ALKAL1: variants seen among roughly 807,000 people sequenced by gnomAD.
ALKAL1 encodes the protein ALK and LTK ligand 1, also known as AUG-beta.
A neutral mutation model predicts 13.5 loss-of-function variants in ALKAL1; 23 were observed. The observed-to-expected ratio is 1.70, with a 90% CI of 1.23 to 2.41. The LOEUF (loss-of-function observed/expected upper bound fraction) is 2.41, where lower values mean the gene tolerates loss of function less well. Ranked by LOEUF, ALKAL1 falls within the 30% of genes most tolerant of loss-of-function variation. The pLI, the probability that ALKAL1 is intolerant of heterozygous loss-of-function variation, is 0.00. For missense variants in ALKAL1, 181 were observed against 178.4 expected (o/e 1.01, Z -0.08); for synonymous variants, 85 against 77.7 (o/e 1.09, Z -0.49).
intron 1 of ALKAL1, among the ~76,000 whole-genome samples, chr8:52,550,174 T>C (rs1181846497): frequency 6.6e-6 from 1 of 152,162 alleles, no homozygotes; most frequent in African/African-American, 2.4e-5. Context: ...ACACACACAT[T>C]AGCTGGGTGG....
At position 52,565,286 on chromosome 8, in the gene ALKAL1, ACT is replaced by A; in HGVS notation, c.-32_-31del. 7.8e-7 allele frequency: 1 copy of A among 1,284,778 alleles called. No individual in the cohort carries two copies. Among genetic ancestry groups the A allele is most frequent in the Non-Finnish European group, 9.9e-7 (1 of 1,007,970 alleles). The allele number at this position is 1,284,778 out of a possible 1,614,324, so 79.6% of individuals were successfully genotyped here. A position where few individuals can be genotyped will look rare whatever the true frequency, so the allele number is the denominator to read the frequency against. ...GCAAGCCGGGAGGAGAGAGCGGGAG[ACT>A]CCGGGAGGATCCCGACGCAGGTCCG... is the stretch of plus-strand genomic sequence containing the variant. On this transcript the variant is annotated 5_prime_UTR_variant, in exon 1 of 5. Coordinates refer to ENST00000358543, the MANE Select transcript of ALKAL1 (RefSeq NM_207413.4).
At chr8:52,536,615 T>C (rs1847269044) in intron 4 of ALKAL1, among the ~76,000 whole-genome samples, 1 of 152,228 alleles carries the variant, frequency 6.6e-6, no homozygotes, top group African/African-American at 2.4e-5. Flanking sequence ...CTTTTTCTCT[T>C]ATTATTACAA....
chr8:52,538,252 G>A (rs1273974519), intron 4 of ALKAL1, among the ~76,000 whole-genome samples, 179 bp downstream of exon 4: 3 of 151,964 alleles, frequency 2.0e-5, no homozygotes, highest in African/African-American at 7.3e-5. Flanking sequence ...GCAAAAGAAG[G>A]TTTTGAATGC....
chr8:52,565,250 G>A lies in ALKAL1; in HGVS notation c.7C>T (p.Pro3Ser). 2 of 1,312,510 alleles carry A rather than the reference G, an allele frequency of 1.5e-6. No individual in the cohort carries two copies. The highest frequency in any genetic ancestry group is 2.0e-6 in the Non-Finnish European group (2 of 1,023,864). 81.3% of individuals were successfully genotyped at this position (1,312,510 alleles called of 1,614,324 possible). A position where few individuals can be genotyped will look rare whatever the true frequency, so the allele number is the denominator to read the frequency against. Reference protein sequence around the residue: MRPLKPGAPLPAL... With the variant: MRSLKPGAPLPAL... ...GGCAAAGGGGCGCCGGGCTTAAGGG[G>A]CCGCATGTTCGCAAGCCGGGAGGAG... is the stretch of plus-strand genomic sequence containing the variant. Residue 3 changes from proline (P) to serine (S), a missense_variant, in exon 1 of 5, where the codon CCC becomes TCC. Coordinates refer to ENST00000358543, the MANE Select transcript of ALKAL1 (RefSeq NM_207413.4).
At chr8:52,553,038 T>C (rs1847444402) in intron 1 of ALKAL1, among the ~76,000 whole-genome samples, 1 of 152,172 alleles carries the variant, frequency 6.6e-6, no homozygotes, top group Non-Finnish European at 1.5e-5. Flanking sequence ...AAATTATTTC[T>C]AAAATTGGAC....
chr8:52,553,375 T>C (rs1333025004), intron 1 of ALKAL1, among the ~76,000 whole-genome samples: 2 of 152,164 alleles, frequency 1.3e-5, no homozygotes, highest in Non-Finnish European at 2.9e-5. Context: ...GTGCAGCATC[T>C]GTAACATTTC....
intron 1 of ALKAL1, among the ~76,000 whole-genome samples, chr8:52,553,592 CA>C (rs1847450892): frequency 6.6e-6 from 1 of 152,084 alleles, no homozygotes; most frequent in Non-Finnish European, 1.5e-5. Flanking sequence ...TTCAGGTAGA[CA>C]AATTAAATAA....
At chr8:52,550,083 T>C (rs1361853189) in intron 1 of ALKAL1, among the ~76,000 whole-genome samples, 4 of 152,246 alleles carry the variant, frequency 2.6e-5, no homozygotes, top group Non-Finnish European at 5.9e-5. Context: ...TATTTGTAAA[T>C]ACATGTTTTT....
intron 1 of ALKAL1, among the ~76,000 whole-genome samples, chr8:52,563,322 G>A (rs1000378061): frequency 6.6e-6 from 1 of 152,078 alleles, no homozygotes; most frequent in Admixed American, 6.5e-5. Flanking sequence ...TCCTAGCTAC[G>A]TGGGAGGCTG....
intron 1 of ALKAL1, among the ~76,000 whole-genome samples, chr8:52,559,198 A>G (rs1847514481): frequency 6.6e-6 from 1 of 152,212 alleles, no homozygotes; most frequent in Non-Finnish European, 1.5e-5. Context: ...TTCAGAGAGG[A>G]CAAATATCCG....
intron 3 of ALKAL1, 81 bp downstream of exon 3, chr8:52,539,750 C>A: frequency 9.7e-7 from 1 of 1,032,508 alleles, no homozygotes; most frequent in South Asian, 1.4e-5. Context: ...CTACTTCCCA[C>A]CCACAGACAT....
intron 1 of ALKAL1, among the ~76,000 whole-genome samples, chr8:52,564,272 G>C (rs1035322961): frequency 6.6e-6 from 1 of 152,170 alleles, no homozygotes; most frequent in African/African-American, 2.4e-5. Flanking sequence ...CGTGTGAGGA[G>C]CTTCTCGCTT....
intron 1 of ALKAL1, among the ~76,000 whole-genome samples, chr8:52,561,446 G>A (rs1034496205): frequency 6.6e-6 from 1 of 152,166 alleles, no homozygotes; most frequent in African/African-American, 2.4e-5. Context: ...TAAGAGAAGT[G>A]CATTTCAGGA....
intron 1 of ALKAL1, among the ~76,000 whole-genome samples, chr8:52,560,403 T>G (rs896392703): frequency 2.6e-5 from 4 of 152,170 alleles, no homozygotes; most frequent in African/African-American, 9.7e-5. Context: ...CAATGGCAAA[T>G]AGTCGAAGGA....
intron 1 of ALKAL1, among the ~76,000 whole-genome samples, chr8:52,555,746 G>A (rs1281839917): frequency 6.6e-6 from 1 of 152,086 alleles, no homozygotes; most frequent in Non-Finnish European, 1.5e-5. Flanking sequence ...TCACCCTGCC[G>A]TGCCTTGGCT....
At chr8:52,555,217 T>A (rs185520220) in intron 1 of ALKAL1, among the ~76,000 whole-genome samples, 1 of 144,466 alleles carries the variant, frequency 6.9e-6, no homozygotes, top group Non-Finnish European at 1.5e-5. Flanking sequence ...CCCACTGGAG[T>A]CAACTGGAGT....
In ALKAL1 at chr8:52,564,369, TC is replaced by T. The variant is rs540573354; in HGVS notation, c.190+697del. Among the ~76,000 whole-genome samples, 153 of 152,262 alleles carry T rather than the reference TC, an allele frequency of 1.0e-3. 1 individual carries two copies. Among genetic ancestry groups the T allele is most frequent in the African/African-American group, 3.6e-3 (149 of 41,546 alleles). On this transcript the variant is annotated intron_variant, in intron 1 of 4. Coordinates refer to ENST00000358543, the MANE Select transcript of ALKAL1 (RefSeq NM_207413.4). ...CCGGCCGCCCCCTCGGACCTCCTTT[TC>T]CAGGGGCTTTTCCGTGTTCCCCGTA...
Position 52,565,281 on chromosome 8 carries a change from G to A in ALKAL1, c.-25C>T. The stretch of plus-strand genomic sequence containing the variant: ...TGTTCGCAAGCCGGGAGGAGAGAGC[G>A]GGAGACTCCGGGAGGATCCCGACGC... On this transcript the variant is annotated 5_prime_UTR_variant, in exon 1 of 5. Transcript: ENST00000358543. The A allele has an allele frequency of 7.8e-7, 1 of 1,289,904 alleles. No individual in the cohort carries two copies. The highest frequency in any genetic ancestry group is 1.5e-5 in the African/African-American group (1 of 64,758). 79.9% of individuals were successfully genotyped at this position (1,289,904 alleles called of 1,614,324 possible). A position where few individuals can be genotyped will look rare whatever the true frequency, so the allele number is the denominator to read the frequency against.
intron 4 of ALKAL1, among the ~76,000 whole-genome samples, chr8:52,535,130 G>A (rs934356861): frequency 2.0e-5 from 3 of 151,848 alleles, no homozygotes; most frequent in African/African-American, 4.8e-5. Flanking sequence ...TGTTGTTTGA[G>A]GACTTTAGGT....
Sources: gnomAD v4.1 joint callset for allele counts (sites outside exome capture counted in the v4.1 genomes callset) on GRCh38, gnomAD v4.1.1 for gene constraint, MANE v1.5 for transcripts, NCBI Gene and HGNC (gene_info 2026-07-23, HGNC 2026-07-21) for gene names.